The following CEP83 variants were observed in gnomAD, a reference collection of about 807,000 sequenced individuals.
CEP83 encodes the protein centrosomal protein 83.
CEP83 carries 70 observed loss-of-function variants against 101.9 expected under a neutral mutation model. That is an observed-to-expected ratio of 0.69 (90% CI 0.57 to 0.84). The LOEUF is 0.84. CEP83 is among the 40% of genes least tolerant of loss of function. The pLI is 0.00. For missense variants in CEP83, 715 were observed against 787.2 expected (o/e 0.91, Z 1.10); for synonymous variants, 264 against 267.9 (o/e 0.99, Z 0.14).
the CEP83 span, among the ~76,000 whole-genome samples, chr12:94,270,265 C>T: frequency 9.2e-5 from 14 of 152,226 alleles, no homozygotes; most frequent in Non-Finnish European, 1.9e-4. Flanking sequence ...GCCCCTCTGC[C>T]TATTTTTATA....
the CEP83 span, among the ~76,000 whole-genome samples, chr12:94,286,642 A>T: frequency 2.1e-5 from 3 of 143,138 alleles, no homozygotes; most frequent in Non-Finnish European, 3.0e-5. Context: ...AAAAAAAAAA[A>T]TTCATTTAAA....
At chr12:94,356,310 A>T (rs1386728253) in intron 11 of CEP83, among the ~76,000 whole-genome samples, 1 of 152,222 alleles carries the variant, frequency 6.6e-6, no homozygotes, top group Non-Finnish European at 1.5e-5. Flanking sequence ...GTGAAGTAAC[A>T]GAAGAGGTTA....
the CEP83 span, chr12:94,272,045 T>C: frequency 5.3e-5 from 8 of 152,132 alleles, no homozygotes; most frequent in African/African-American, 1.4e-4. Context: ...GAGAGGCTGA[T>C]GGCTGACATG....
At chr12:94,285,609 T>C in the CEP83 span, among the ~76,000 whole-genome samples, 1 of 152,160 alleles carries the variant, frequency 6.6e-6, no homozygotes, top group Non-Finnish European at 1.5e-5. Flanking sequence ...GTGTGCATTC[T>C]TGGGCTCAGG....
At chr12:94,329,275 A>T (rs545267230) in intron 14 of CEP83, among the ~76,000 whole-genome samples, 35 of 150,870 alleles carry the variant, frequency 2.3e-4, no homozygotes, top group Admixed American at 1.4e-3. Flanking sequence ...TTTAATTATT[A>T]TTTTTTTTTG....
Position 94,400,895 on chromosome 12 carries a change from C to T in CEP83, c.504G>A (p.Glu168=), listed in dbSNP as rs1264969478. The T allele has an allele frequency of 6.6e-7, 1 of 1,512,800 alleles. No homozygotes were observed. Among genetic ancestry groups the T allele is most frequent in the Non-Finnish European group, 8.9e-7 (1 of 1,127,430 alleles). The allele number at this position is 1,512,800 out of a possible 1,614,324, so 93.7% of individuals were successfully genotyped here. ...TTCCTTCATCTAAAATACGTGCATA[C>T]TCTTCCTTCTGGTGTTCAAATTCTG... The part of the protein sequence containing the change: ...LKSEFEHQKE[E]YARILDEGKI... The change falls in exon 6 of 17, where the codon GAG becomes GAA. Residue 168 remains glutamate, a synonymous_variant. Coordinates refer to ENST00000397809, the MANE Select transcript of CEP83 (RefSeq NM_016122.3).
intron 1 of CEP83, among the ~76,000 whole-genome samples, chr12:94,452,068 T>C (rs957878553): frequency 6.6e-6 from 1 of 152,098 alleles, no homozygotes; most frequent in African/African-American, 2.4e-5. Context: ...CTCAAAAGCA[T>C]GAAGTTAAAG....
intron 1 of CEP83, among the ~76,000 whole-genome samples, chr12:94,458,716 C>T (rs1294367059): frequency 6.6e-6 from 1 of 152,108 alleles, no homozygotes; most frequent in Non-Finnish European, 1.5e-5. Flanking sequence ...CCAGCCTGGG[C>T]GACAGAGTGA....
chr12:94,328,301 T>C, intron 14 of CEP83: 1 of 342,052 alleles, frequency 2.9e-6, no homozygotes, highest in South Asian at 2.3e-5. Context: ...CTCAAGATCC[T>C]GTTCAAGCTT....
intron 11 of CEP83, 121 bp downstream of exon 11, chr12:94,367,673 T>C (rs920915672): frequency 3.8e-6 from 2 of 531,596 alleles, no homozygotes; most frequent in African/African-American, 3.9e-5. Flanking sequence ...TACATAGGTA[T>C]TTGTATTTGG....
At chr12:94,305,198 AAG>A, downstream of CEP83, 1 of 1,607,238 alleles carries the variant, frequency 6.2e-7, no homozygotes, top group Non-Finnish European at 8.5e-7. Context: ...ATAAACTAGA[AAG>A]AGAACGAGGG....
At chr12:94,323,431 C>CACTCACT (rs2058834887) in intron 14 of CEP83, among the ~76,000 whole-genome samples, 2 of 152,174 alleles carry the variant, frequency 1.3e-5, no homozygotes, top group South Asian at 4.1e-4. Flanking sequence ...TGGGGTCACT[C>CACTCACT]ACTCACTCAC....
the CEP83 span, chr12:94,280,072 G>A: frequency 2.9e-6 from 1 of 340,106 alleles, no homozygotes; most frequent in South Asian, 2.3e-5. Context: ...CTCAGACTCT[G>A]GGTGTTAACT....
intron 2 of CEP83, among the ~76,000 whole-genome samples, chr12:94,426,649 C>T (rs1405830391): frequency 6.6e-6 from 1 of 152,064 alleles, no homozygotes; most frequent in African/African-American, 2.4e-5. Flanking sequence ...TCTCTGGATG[C>T]TATGAATATT....
Position 94,354,741 on chromosome 12 carries a change from G to A in CEP83, c.1343+13053C>T, listed in dbSNP as rs139910784. Among the ~76,000 whole-genome samples, 551 of 152,300 alleles carry A rather than the reference G, an allele frequency of 3.6e-3. 5 individuals are homozygous for A. Among genetic ancestry groups the A allele is most frequent in the African/African-American group, 0.012 (514 of 41,562 alleles). ...AAAAATTAACTGAAGGCCGGGTGTGGTGGCTCACACCTGTAATCCCAACAC... is the reference window on the plus strand; with the variant it reads ...AAAAATTAACTGAAGGCCGGGTGTGATGGCTCACACCTGTAATCCCAACAC... On this transcript the variant is annotated intron_variant, in intron 11 of 16. Transcript: ENST00000397809.
chr12:94,368,995 T>C (rs1268221893), intron 9 of CEP83: 1 of 152,044 alleles, frequency 6.6e-6, no homozygotes, highest in African/African-American at 2.4e-5. Flanking sequence ...TTTCAAAACA[T>C]GAAAGGCATT....
chr12:94,339,347 A>G (rs1593249107), intron 11 of CEP83, among the ~76,000 whole-genome samples: 1 of 152,120 alleles, frequency 6.6e-6, no homozygotes, highest in East Asian at 1.9e-4. Context: ...TTGAGTTTAT[A>G]CTCCAACAGT....
chr12:94,312,524 C>G lies in CEP83; in HGVS notation c.1811+390G>C, dbSNP rs117172701. ...TGTGCTTGAATGTGACTGCAAAACCCGAAACTACAGCTCAATAAAATCTCC... is the reference window on the plus strand; with the variant it reads ...TGTGCTTGAATGTGACTGCAAAACCGGAAACTACAGCTCAATAAAATCTCC... On this transcript the variant is annotated intron_variant, in intron 15 of 16. Transcript: ENST00000397809. 221 of 968,576 alleles carry G rather than the reference C, an allele frequency of 2.3e-4. 2 individuals carry two copies. In the East Asian group the frequency reaches 0.022, roughly 95 times the overall value. 60.0% of individuals were successfully genotyped at this position (968,576 alleles called of 1,614,324 possible). A position where few individuals can be genotyped will look rare whatever the true frequency, so the allele number is the denominator to read the frequency against.
chr12:94,382,303 T>C (rs2061895267), intron 6 of CEP83, among the ~76,000 whole-genome samples: 1 of 151,862 alleles, frequency 6.6e-6, no homozygotes, highest in African/African-American at 2.4e-5. Flanking sequence ...AAGAACCAGC[T>C]CTTTGTTTCA....
Sources: allele counts gnomAD v4.1 joint callset (sites outside exome capture counted in the v4.1 genomes callset), GRCh38; gene constraint gnomAD v4.1.1; transcripts MANE v1.5; gene names NCBI Gene and HGNC (gene_info 2026-07-23, HGNC 2026-07-21).